The following CDKAL1 variants were observed in gnomAD, a reference collection of about 807,000 sequenced individuals.
The protein encoded by CDKAL1 is threonylcarbamoyladenosine tRNA methylthiotransferase.
A neutral mutation model predicts 68.2 loss-of-function variants in CDKAL1; 32 were observed. The ratio of observed to expected loss-of-function variants is 0.47; its 90% CI spans 0.35 to 0.63. The LOEUF is 0.63. Among genes scored for constraint, CDKAL1 ranks in the 30% least tolerant of loss-of-function variants. CDKAL1 has a pLI of 0.00. For missense variants in CDKAL1, 606 were observed against 696.7 expected (o/e 0.87, Z 1.47); for synonymous variants, 234 against 244.3 (o/e 0.96, Z 0.39).
In CDKAL1 at chr6:20,741,381, C is replaced by T. The variant is rs75672507; in HGVS notation, c.468+1766C>T. Among the ~76,000 whole-genome samples, 611 of 152,060 alleles carry T rather than the reference C, an allele frequency of 4.0e-3. 8 individuals are homozygous for T. The highest frequency in any genetic ancestry group is 0.014 in the African/African-American group (563 of 41,500). ...GTGCAGGTTTGTTATACAGGTTAAA[C>T]ACGCGTCTGTTGTACAGATTATTTT... On this transcript the variant is annotated intron_variant, in intron 6 of 15. Coordinates refer to ENST00000274695, the MANE Select transcript of CDKAL1 (RefSeq NM_017774.3).
chr6:21,043,582 A>G (rs1164753033), intron 11 of CDKAL1, among the ~76,000 whole-genome samples: 2 of 152,236 alleles, frequency 1.3e-5, no homozygotes, highest in Non-Finnish European at 2.9e-5. Flanking sequence ...TCATGCTTTC[A>G]TCATTTGTCT....
At chr6:20,626,060 C>T (rs1767418514) in intron 4 of CDKAL1, among the ~76,000 whole-genome samples, 1 of 151,998 alleles carries the variant, frequency 6.6e-6, no homozygotes. Context: ...TTCACTTTCC[C>T]CTACTTCTTT....
At chr6:20,842,411 A>G (rs1778209411) in intron 8 of CDKAL1, among the ~76,000 whole-genome samples, 1 of 152,200 alleles carries the variant, frequency 6.6e-6, no homozygotes, top group South Asian at 2.1e-4. Context: ...TTAAAAATAA[A>G]CATACAAGCA....
rs5874779 is a variant in CDKAL1 at position 20,661,596 on chromosome 6, T to TAA, written c.371+12227_371+12228dup. Reference sequence around the variant, plus strand: ...TTTAGTGTTTAATTCCTGGTTTACATAAAAAAAAACCAAATGAAACTGTAA... The same window carrying TAA: ...TTTAGTGTTTAATTCCTGGTTTACATAAAAAAAAAAACCAAATGAAACTGTAA... On this transcript the variant is annotated intron_variant, in intron 5 of 15. Coordinates refer to ENST00000274695, the MANE Select transcript of CDKAL1 (RefSeq NM_017774.3). 6.5e-3 allele frequency among the ~76,000 whole-genome samples: 948 copies of TAA among 145,506 alleles called. 7 individuals are homozygous for TAA. The highest frequency in any genetic ancestry group is 0.022 in the African/African-American group (875 of 38,988).
intron 2 of CDKAL1, among the ~76,000 whole-genome samples, chr6:20,536,639 A>G (rs1763184511): frequency 6.6e-6 from 1 of 152,164 alleles, no homozygotes; most frequent in South Asian, 2.1e-4. Flanking sequence ...GGCCTGTTAA[A>G]TATTGCTAGG....
intron 4 of CDKAL1, among the ~76,000 whole-genome samples, chr6:20,597,680 G>A (rs895628887): frequency 6.6e-6 from 1 of 152,234 alleles, no homozygotes. Flanking sequence ...CTCCCAAAGT[G>A]CTGGGATTAC....
intron 6 of CDKAL1, among the ~76,000 whole-genome samples, chr6:20,748,061 T>G (rs891915515): frequency 6.6e-6 from 1 of 152,220 alleles, no homozygotes; most frequent in East Asian, 1.9e-4. Flanking sequence ...TCTATCAAAA[T>G]TCCAATGACA....
chr6:21,059,265 G>T (rs1422511503), intron 11 of CDKAL1, among the ~76,000 whole-genome samples: 1 of 152,212 alleles, frequency 6.6e-6, no homozygotes, highest in African/African-American at 2.4e-5. Context: ...CCTAGCACCA[G>T]CAGGGGAAAA....
At chr6:20,889,931 T>G (rs1761300702) in intron 9 of CDKAL1, among the ~76,000 whole-genome samples, 1 of 152,108 alleles carries the variant, frequency 6.6e-6, no homozygotes. Flanking sequence ...AAAAAAAATT[T>G]TTTTTAGAGA....
At chr6:20,754,022 T>C (rs1774057420) in intron 6 of CDKAL1, among the ~76,000 whole-genome samples, 1 of 151,262 alleles carries the variant, frequency 6.6e-6, no homozygotes, top group Admixed American at 6.6e-5. Flanking sequence ...CTCTGTCACC[T>C]ACGCTGGAGT....
Position 20,769,257 on chromosome 6 carries a change from C to CTTTTT in CDKAL1, c.517+10628_517+10632dup, listed in dbSNP as rs371966986. 2.4e-3 allele frequency among the ~76,000 whole-genome samples: 274 copies of CTTTTT among 114,960 alleles called. 19 individuals carry two copies. Among genetic ancestry groups the CTTTTT allele is most frequent in the African/African-American group, 6.7e-3 (201 of 29,874 alleles). 75.4% of individuals were successfully genotyped at this position (114,960 alleles called of 152,430 possible). On this transcript the variant is annotated intron_variant, in intron 7 of 15. Transcript: ENST00000274695. ...ATGTCATTCACAAACTTGTGATCAT[C>CTTTTT]TTTTTTTTTTTTTTTTTTCAAGACA...
At chr6:20,782,366 A>T (rs1471881445) in intron 8 of CDKAL1, among the ~76,000 whole-genome samples, 1 of 152,212 alleles carries the variant, frequency 6.6e-6, no homozygotes, top group Non-Finnish European at 1.5e-5. Context: ...GAAACTAGTA[A>T]TTAAAGCAGA....
chr6:20,983,230 T>C (rs909441915), intron 10 of CDKAL1, among the ~76,000 whole-genome samples: 4 of 152,208 alleles, frequency 2.6e-5, no homozygotes, highest in East Asian at 3.8e-4. Context: ...AGCAAAAGAC[T>C]GCAAAGATCC....
intron 5 of CDKAL1, among the ~76,000 whole-genome samples, chr6:20,688,425 C>T (rs1012404264): frequency 1.3e-5 from 2 of 151,004 alleles, no homozygotes; most frequent in African/African-American, 4.9e-5. Flanking sequence ...AGGTTTCTTT[C>T]GTTTTTTTTT....
intron 15 of CDKAL1, among the ~76,000 whole-genome samples, chr6:21,203,215 ATTTTTTTTTTTTTTTTTTTTTTTTT>A (rs371165972): frequency 6.4e-5 from 3 of 47,090 alleles, no homozygotes; most frequent in Non-Finnish European, 1.1e-4. Flanking sequence ...ATCCTGGCTA[ATTTTTTTTTTTTTTTTTTTTTTTTT>A]TTTTTTTTTT....
At chr6:21,024,387 C>G (rs1324919184) in intron 11 of CDKAL1, among the ~76,000 whole-genome samples, 1 of 152,076 alleles carries the variant, frequency 6.6e-6, no homozygotes, top group Non-Finnish European at 1.5e-5. Flanking sequence ...GTGGCTCACA[C>G]CTGTAATCCC....
In CDKAL1 at chr6:20,548,451, T is replaced by C. The variant is rs528601189; in HGVS notation, c.174-142T>C. ...GGGAGGCTGAGATGGGAGGATCCCT[T>C]AGGCCTGGGAGGTTGAGGTTGCAGT... On this transcript the variant is annotated intron_variant, in intron 3 of 15. Transcript: ENST00000274695. 1.6e-4 allele frequency: 97 copies of C among 620,730 alleles called. 1 individual carries two copies. The South Asian group carries it at 1.7e-3, about 11-fold the overall frequency. 38.5% of individuals were successfully genotyped at this position (620,730 alleles called of 1,614,324 possible). A position where few individuals can be genotyped will look rare whatever the true frequency, so the allele number is the denominator to read the frequency against.
chr6:20,630,451 G>A (rs938492841), intron 4 of CDKAL1, among the ~76,000 whole-genome samples: 1 of 151,850 alleles, frequency 6.6e-6, no homozygotes, highest in African/African-American at 2.4e-5. Flanking sequence ...AAAAGGAACT[G>A]CAGTCCCTCT....
rs1428499937 is a variant in CDKAL1, at chr6:20,901,553, T to C, written c.743-53866T>C. On this transcript the variant is annotated intron_variant, in intron 9 of 15. Coordinates refer to ENST00000274695, the MANE Select transcript of CDKAL1 (RefSeq NM_017774.3). Reference sequence around the variant, plus strand: ...ATAATTAGCCGGGCATGGTGGCGGGTGCCTGTAGTCCCAGCTACTCGGGAG... The same window carrying C: ...ATAATTAGCCGGGCATGGTGGCGGGCGCCTGTAGTCCCAGCTACTCGGGAG... Among the ~76,000 whole-genome samples the C allele has an allele frequency of 3.3e-5, 5 of 150,050 alleles. No individual in the cohort carries two copies. The East Asian group carries it at 6.0e-4, about 18-fold the overall frequency.
Sources: allele counts gnomAD v4.1 joint callset (sites outside exome capture counted in the v4.1 genomes callset), GRCh38; gene constraint gnomAD v4.1.1; transcripts MANE v1.5; gene names NCBI Gene and HGNC (gene_info 2026-07-23, HGNC 2026-07-21).